ZNF33A: variants seen among roughly 807,000 people sequenced by gnomAD.
The protein encoded by ZNF33A is brain my041 protein.
A neutral mutation model predicts 15.9 loss-of-function variants in ZNF33A; 9 were observed. The observed-to-expected ratio is 0.57, with a 90% CI of 0.34 to 0.99. The LOEUF (loss-of-function observed/expected upper bound fraction) is 0.99, where lower values mean the gene tolerates loss of function less well. Ranked by LOEUF, ZNF33A falls within the 50% of genes least tolerant of loss-of-function variation. ZNF33A has a pLI of 0.02. For synonymous variants in ZNF33A, 294 were observed against 324.2 expected (o/e 0.91, Z 1.00); for missense variants, 843 against 941.6 (o/e 0.90, Z 1.37).
chr10:38,016,047 T>C, intron 2 of ZNF33A: 26 of 1,227,212 alleles, frequency 2.1e-5, no homozygotes, highest in Non-Finnish European at 2.6e-5. Flanking sequence ...TCCACAGAGG[T>C]TTCAAATATA....
intron 2 of ZNF33A, among the ~76,000 whole-genome samples, chr10:38,013,671 C>T (rs11597703): frequency 0.06 from 9,107 of 152,014 alleles, 350 homozygotes; most frequent in Middle Eastern, 0.095. Flanking sequence ...GTTGGCCAGG[C>T]TGGTCTCAGT....
intron 4 of ZNF33A, among the ~76,000 whole-genome samples, chr10:38,032,563 C>G (rs1360249158): frequency 6.6e-6 from 1 of 152,126 alleles, no homozygotes; most frequent in East Asian, 1.9e-4. Context: ...CCTGCCTCAG[C>G]CTCCTGAGTA....
At chr10:38,031,824 G>A (rs1477979023) in intron 4 of ZNF33A, among the ~76,000 whole-genome samples, 2 of 151,886 alleles carry the variant, frequency 1.3e-5, no homozygotes, top group Non-Finnish European at 2.9e-5. Flanking sequence ...TTAGCCAGGC[G>A]TGATGGTGCA....
At chr10:38,054,013 G>A (rs908138596) in intron 4 of ZNF33A, among the ~76,000 whole-genome samples, 1 of 152,168 alleles carries the variant, frequency 6.6e-6, no homozygotes, top group Non-Finnish European at 1.5e-5. Context: ...GTCATGGATT[G>A]TTTAGATAGT....
At chr10:38,033,840 G>A (rs1350303553) in intron 4 of ZNF33A, among the ~76,000 whole-genome samples, 2 of 151,878 alleles carry the variant, frequency 1.3e-5, no homozygotes, top group African/African-American at 4.8e-5. Flanking sequence ...AGCCTCCCGA[G>A]TAGCTGGGAT....
At chr10:38,014,506 C>T (rs2064354280) in intron 2 of ZNF33A, among the ~76,000 whole-genome samples, 1 of 152,222 alleles carries the variant, frequency 6.6e-6, no homozygotes, top group Non-Finnish European at 1.5e-5. Context: ...TTCACATTTA[C>T]ATCTCTTTCA....
intron 4 of ZNF33A, among the ~76,000 whole-genome samples, chr10:38,053,014 A>G (rs1200166650): frequency 2.6e-5 from 4 of 151,942 alleles, no homozygotes; most frequent in South Asian, 2.1e-4. Flanking sequence ...ATTGTAGACC[A>G]TCTTTATCCA....
At chr10:38,038,895 G>A (rs1424180212) in intron 4 of ZNF33A, among the ~76,000 whole-genome samples, 1 of 152,174 alleles carries the variant, frequency 6.6e-6, no homozygotes, top group Non-Finnish European at 1.5e-5. Context: ...ATTTTCAAAT[G>A]ATAAACCAAA....
In ZNF33A at chr10:38,057,047, GA is replaced by G; in HGVS notation, c.*490del. 1.4e-6 allele frequency: 1 copy of G among 690,996 alleles called. No homozygotes were observed. Among genetic ancestry groups the G allele is most frequent in the South Asian group, 6.3e-5 (1 of 15,798 alleles). The allele number at this position is 690,996 out of a possible 1,614,324, so 42.8% of individuals were successfully genotyped here. A position where few individuals can be genotyped will look rare whatever the true frequency, so the allele number is the denominator to read the frequency against. The stretch of plus-strand genomic sequence containing the variant: ...AATCATAGTATATGGTCAAGTCCAA[GA>G]AATCGATGTTACCTTGCTGGTAGAT... On this transcript the variant is annotated 3_prime_UTR_variant, in exon 5 of 5. Coordinates refer to ENST00000432900, the MANE Select transcript of ZNF33A (RefSeq NM_006954.2).
In ZNF33A at chr10:38,055,218, C is replaced by T. The variant is rs1445257251; in HGVS notation, c.1094C>T (p.Ala365Val). 6.2e-7 allele frequency: 1 copy of T among 1,614,110 alleles called. No homozygotes were observed. The highest frequency in any genetic ancestry group is 8.5e-7 in the Non-Finnish European group (1 of 1,179,982). The stretch of plus-strand genomic sequence containing the variant: ...TTTCAATGTAATGAATGTGAAAAAG[C>T]TTTCTGGGATAAGTCAAACCTCACT... Reference protein sequence around the residue: ...KPFQCNECEKAFWDKSNLTKH... With the variant: ...KPFQCNECEKVFWDKSNLTKH... Residue 365 changes from alanine (A) to valine (V), a missense_variant, in exon 5 of 5, where the codon GCT (alanine) becomes GTT (valine). Transcript: ENST00000432900.
chr10:38,016,045 G>A (rs2064437751), intron 2 of ZNF33A: 15 of 1,229,016 alleles, frequency 1.2e-5, no homozygotes, highest in Non-Finnish European at 1.5e-5. Context: ...ACTCCACAGA[G>A]GTTTCAAATA....
chr10:38,055,184 C>T lies in ZNF33A; in HGVS notation c.1060C>T (p.Gln354Ter), dbSNP rs764394518. ...LTRHQRVHTG[Q>*]KPFQCNECEK... is the part of the protein sequence containing the mutation. ...TCGACATCAGAGGGTGCACACAGGA[C>T]AGAAACCCTTTCAATGTAATGAATG... The change falls in exon 5 of 5, where the codon CAG becomes TAG. Residue 354 changes from glutamine (Q) to a stop codon, truncating the protein, a stop_gained. Coordinates refer to ENST00000432900, the MANE Select transcript of ZNF33A (RefSeq NM_006954.2). LOFTEE classifies it low-confidence loss of function (END_TRUNC). The T allele has an allele frequency of 1.2e-6, 2 of 1,614,062 alleles. No individual in the cohort carries two copies. Among genetic ancestry groups the T allele is most frequent in the Non-Finnish European group, 1.7e-6 (2 of 1,179,982 alleles).
chr10:38,013,544 C>G (rs554216728), intron 2 of ZNF33A, among the ~76,000 whole-genome samples: 2 of 150,832 alleles, frequency 1.3e-5, no homozygotes, highest in Non-Finnish European at 2.9e-5. Context: ...TCTCCTGCCT[C>G]GACTCCTTGG....
chr10:38,017,594 G>A (rs1488397260), intron 4 of ZNF33A: 1 of 391,548 alleles, frequency 2.6e-6, no homozygotes, highest in South Asian at 4.1e-5. Context: ...TTTTTTGAAT[G>A]TTTACTATTC....
chr10:38,061,570 A>G (rs759751226), downstream of ZNF33A, among the ~76,000 whole-genome samples: 1 of 152,106 alleles, frequency 6.6e-6, no homozygotes, highest in Non-Finnish European at 1.5e-5. Context: ...CACAGACTAC[A>G]TGACCTTACC....
intron 4 of ZNF33A, among the ~76,000 whole-genome samples, chr10:38,030,490 A>G (rs1018518507): frequency 6.6e-6 from 1 of 152,136 alleles, no homozygotes; most frequent in Admixed American, 6.5e-5. Context: ...AAAAATTTAC[A>G]TATTTGTTCT....
intron 4 of ZNF33A, among the ~76,000 whole-genome samples, chr10:38,047,899 G>A (rs2066027315): frequency 6.6e-6 from 1 of 152,112 alleles, no homozygotes; most frequent in African/African-American, 2.4e-5. Context: ...CTAAATCAGT[G>A]TTAAAATGAA....
chr10:38,066,927 G>C (rs1024861786), downstream of ZNF33A, among the ~76,000 whole-genome samples: 4 of 152,238 alleles, frequency 2.6e-5, no homozygotes, highest in Non-Finnish European at 4.4e-5. Flanking sequence ...GTGAGACTCT[G>C]TCTCAAAACA....
intron 4 of ZNF33A, among the ~76,000 whole-genome samples, chr10:38,028,820 C>T (rs2135609525): frequency 6.6e-6 from 1 of 152,104 alleles, no homozygotes; most frequent in Non-Finnish European, 1.5e-5. Flanking sequence ...CTTCTCATTT[C>T]CTTCTGTGTA....
Sources: gnomAD v4.1 joint callset for allele counts (sites outside exome capture counted in the v4.1 genomes callset) on GRCh38, gnomAD v4.1.1 for gene constraint, MANE v1.5 for transcripts, NCBI Gene and HGNC (gene_info 2026-07-23, HGNC 2026-07-21) for gene names.